C2CD2: variants seen among roughly 807,000 people sequenced by gnomAD.
C2CD2 encodes the protein C2 calcium dependent domain containing 2, also known as C2 domain-containing protein 2.
In C2CD2, 43 loss-of-function variants were observed where a neutral mutation model predicts 74.3. That is an observed-to-expected ratio of 0.58 (90% CI 0.45 to 0.75). The LOEUF is 0.75. Ranked by LOEUF, C2CD2 falls within the 30% of genes least tolerant of loss-of-function variation. C2CD2 has a pLI of 0.00. For missense variants in C2CD2, 801 were observed against 916.3 expected, an observed-to-expected ratio of 0.87 and a Z score of 1.63; for synonymous variants, 422 against 390.7, an observed-to-expected ratio of 1.08 and a Z score of -0.94.
intron 13 of C2CD2, chr21:41,894,789 T>C (rs1200117509): frequency 4.4e-6 from 2 of 456,748 alleles, no homozygotes; most frequent in South Asian, 3.1e-5. Context: ...ACTATCACCT[T>C]TGGGGTAAAC....
intron 2 of C2CD2, 123 bp downstream of exon 2, chr21:41,942,024 G>A: frequency 7.7e-7 from 1 of 1,295,956 alleles, no homozygotes; most frequent in Non-Finnish European, 1.0e-6. Context: ...TGGGCCAGAT[G>A]GTTGTTTTGA....
chr21:41,913,147 C>T (rs1220987224), intron 6 of C2CD2, among the ~76,000 whole-genome samples: 1 of 152,234 alleles, frequency 6.6e-6, no homozygotes, highest in Non-Finnish European at 1.5e-5. Context: ...CGTGTTGACT[C>T]CTAAATTTGG....
Position 41,899,157 on chromosome 21 carries a change from T to C in C2CD2, c.1766A>G (p.Gln589Arg). ...GACCTGGCTGCTCCATGCCGCGGCC[T>C]GTGGCTCCTTCTCCAAGTCCCAGGA... ...LDSWDLEKEP[Q>R]AAAWSSQVLL... The change falls in exon 13 of 14, where the codon CAG becomes CGG. Residue 589 changes from glutamine to arginine, a missense_variant. Transcript: ENST00000380486. This position sits in a 1 kb window ranked among gnomAD's most constrained non-coding sequence, Gnocchi z 4.4. 1 of 1,613,418 alleles carries C rather than the reference T, an allele frequency of 6.2e-7. No homozygotes were observed. The highest frequency in any genetic ancestry group is 8.5e-7 in the Non-Finnish European group (1 of 1,179,780).
At position 41,923,396 on chromosome 21, in the gene C2CD2, G is replaced by A. The variant is rs1435411860; in HGVS notation, c.379-1311C>T. Among the ~76,000 whole-genome samples, 1 of 152,108 alleles carries A rather than the reference G, an allele frequency of 6.6e-6. No individual in the cohort carries two copies. The highest frequency in any genetic ancestry group is 1.5e-5 in the Non-Finnish European group (1 of 68,036). On this transcript the variant is annotated intron_variant, in intron 2 of 13. Coordinates refer to ENST00000380486, the MANE Select transcript of C2CD2 (RefSeq NM_015500.2). The surrounding 1 kb of genome is among the most constrained non-coding windows in gnomAD (Gnocchi z 5.8). ...CATTCATACACAGTCAAAGCCATTA[G>A]CCAAGTTCTTTTGCTAAAAATGAGT...
intron 2 of C2CD2, among the ~76,000 whole-genome samples, chr21:41,940,680 T>A (rs866079251): frequency 6.6e-6 from 1 of 152,250 alleles, no homozygotes; most frequent in African/African-American, 2.4e-5. Flanking sequence ...TGGAACTTCA[T>A]TATAGATGAT....
At chr21:41,920,942 A>G (rs2065148172) in intron 3 of C2CD2, among the ~76,000 whole-genome samples, 1 of 152,240 alleles carries the variant, frequency 6.6e-6, no homozygotes, top group Non-Finnish European at 1.5e-5. Context: ...ACATTGTCCA[A>G]AACATCTGGG....
At chr21:41,935,736 C>T (rs985919387) in intron 2 of C2CD2, among the ~76,000 whole-genome samples, 1 of 152,056 alleles carries the variant, frequency 6.6e-6, no homozygotes, top group African/African-American at 2.4e-5. Context: ...CCTGTAATCC[C>T]AGCTACTCGG....
intron 7 of C2CD2, among the ~76,000 whole-genome samples, chr21:41,909,954 C>T (rs2065007193): frequency 6.6e-6 from 1 of 151,508 alleles, no homozygotes; most frequent in South Asian, 2.1e-4. Context: ...CATGATATAC[C>T]TCCCTCCTCC....
chr21:41,926,396 G>T lies in C2CD2; in HGVS notation c.379-4311C>A. On this transcript the variant is annotated intron_variant, in intron 2 of 13. Coordinates refer to ENST00000380486, the MANE Select transcript of C2CD2 (RefSeq NM_015500.2). The surrounding 1 kb of genome is among the most constrained non-coding windows in gnomAD (Gnocchi z 8.0). ...TCTCCACATGGAAAGGCCAAGGGGGGACTCACGGTTGGCAGGTGAGGGTTT... is the reference window on the plus strand; with the variant it reads ...TCTCCACATGGAAAGGCCAAGGGGGTACTCACGGTTGGCAGGTGAGGGTTT... 1.0e-6 allele frequency: 1 copy of T among 980,324 alleles called. No individual in the cohort carries two copies. Among genetic ancestry groups the T allele is most frequent in the Non-Finnish European group, 1.2e-6 (1 of 825,316 alleles). 60.7% of individuals were successfully genotyped at this position (980,324 alleles called of 1,614,324 possible). A position where few individuals can be genotyped will look rare whatever the true frequency, so the allele number is the denominator to read the frequency against.
rs1252270618 is a variant in C2CD2, at chr21:41,926,385, G to C, written c.379-4300C>G. On this transcript the variant is annotated intron_variant, in intron 2 of 13. Transcript: ENST00000380486. The surrounding 1 kb of genome is among the most constrained non-coding windows in gnomAD (Gnocchi z 8.0). ...GTAAGTCAGGGTCTCCACATGGAAA[G>C]GCCAAGGGGGGACTCACGGTTGGCA... The C allele has an allele frequency of 1.0e-6, 1 of 976,104 alleles. No homozygotes were observed. The highest frequency in any genetic ancestry group is 1.2e-6 in the Non-Finnish European group (1 of 821,538). The allele number at this position is 976,104 out of a possible 1,614,324, so 60.5% of individuals were successfully genotyped here.
chr21:41,953,130 C>G (rs1319556243), intron 1 of C2CD2: 3 of 390,850 alleles, frequency 7.7e-6, no homozygotes, highest in Non-Finnish European at 1.4e-5. Flanking sequence ...CTGTCCCTCG[C>G]GGAGCCCAGG....
chr21:41,936,815 CTTTTTTTT>C (rs34112713), intron 2 of C2CD2, among the ~76,000 whole-genome samples: 1 of 103,010 alleles, frequency 9.7e-6, no homozygotes, highest in African/African-American at 3.9e-5. Flanking sequence ...TTTTCTTTTC[CTTTTTTTT>C]TTTTTTTTTT....
intron 1 of C2CD2, among the ~76,000 whole-genome samples, chr21:41,944,574 G>A (rs2065383913): frequency 6.6e-6 from 1 of 150,924 alleles, no homozygotes; most frequent in Non-Finnish European, 1.5e-5. Flanking sequence ...AAAACTTAAG[G>A]TCAAGGGATG....
chr21:41,922,313 C>T (rs768367797), intron 2 of C2CD2, among the ~76,000 whole-genome samples: 1 of 151,952 alleles, frequency 6.6e-6, no homozygotes, highest in Non-Finnish European at 1.5e-5. Context: ...GGTGTGCCCC[C>T]ACACCCACCT....
rs374273551 is a variant in C2CD2 at position 41,901,623 on chromosome 21, T to C, written c.1559A>G (p.Lys520Arg). 1.7e-5 allele frequency: 27 copies of C among 1,614,066 alleles called. No individual in the cohort carries two copies. Among genetic ancestry groups the C allele is most frequent in the Non-Finnish European group, 2.2e-5 (26 of 1,179,998 alleles). Reference protein sequence around the residue: ...KSTIIISGISKTSLSQDHDAA... With the variant: ...KSTIIISGISRTSLSQDHDAA... ...CCTCCCCAGCCACCACGATGGTACC[T>C]TGGAGATCCCTGATATGATAATAGT... The change falls in exon 12 of 14, where the codon AAG becomes AGG. Residue 520 changes from lysine to arginine, a missense_variant and splice_region_variant. Physicochemically the swap from Lys to Arg is conservative, Grantham distance 26 (BLOSUM62 2). Coordinates refer to ENST00000380486, the MANE Select transcript of C2CD2 (RefSeq NM_015500.2).
At chr21:41,908,243 TTG>T (rs10528071) in intron 8 of C2CD2, 70 of 168,880 alleles carry the variant, frequency 4.1e-4, no homozygotes, top group Non-Finnish European at 6.4e-4. Flanking sequence ...TACCCTCAAG[TTG>T]TGTGTGTGTG....
At chr21:41,894,565 G>A (rs138937736) in intron 13 of C2CD2, 12,777 of 445,570 alleles carry the variant, frequency 0.029, 266 homozygotes, top group Middle Eastern at 0.076. Flanking sequence ...AGGAGACTCC[G>A]GAGAGTGTGG....
chr21:41,918,521 A>C (rs1366074267), intron 4 of C2CD2, among the ~76,000 whole-genome samples: 2 of 149,006 alleles, frequency 1.3e-5, no homozygotes, highest in East Asian at 3.8e-4. Flanking sequence ...CCTTGGCTGC[A>C]TATGAGTGCT....
chr21:41,947,588 G>T (rs2065412139), intron 1 of C2CD2, among the ~76,000 whole-genome samples: 2 of 152,152 alleles, frequency 1.3e-5, no homozygotes, highest in African/African-American at 4.8e-5. Flanking sequence ...ATATATGAAA[G>T]TTGAATTATT....
Sources: allele counts gnomAD v4.1 joint callset (sites outside exome capture counted in the v4.1 genomes callset), GRCh38; gene constraint gnomAD v4.1.1; non-coding constraint Gnocchi (gnomAD v3.1); transcripts MANE v1.5; gene names NCBI Gene and HGNC (gene_info 2026-07-23, HGNC 2026-07-21).